AMOTL2: variants seen among roughly 807,000 people sequenced by gnomAD.
AMOTL2 encodes the protein angiomotin like 2.
Under a neutral mutation model 78.4 loss-of-function variants are expected in AMOTL2, and 33 were observed. The ratio of observed to expected loss-of-function variants is 0.42; its 90% confidence interval spans 0.32 to 0.56. The LOEUF is 0.56. AMOTL2 is among the 20% of genes least tolerant of loss of function. The pLI is 0.12. For missense variants in AMOTL2, 983 were observed against 1,030.1 expected (o/e 0.95, Z 0.63); for synonymous variants, 422 against 428.8 (o/e 0.98, Z 0.20).
In AMOTL2 at chr3:134,357,754, G is replaced by C; in HGVS notation, c.2294C>G (p.Ala765Gly). 1 of 1,613,988 alleles carries C rather than the reference G, an allele frequency of 6.2e-7. No homozygotes were observed. The highest frequency in any genetic ancestry group is 8.5e-7 in the Non-Finnish European group (1 of 1,179,866). ...SQRAASLDSV[A>G]TSRVQDLSDM... ...TGACAAGTCCTGGACTCTGGATGTA[G>C]CTACAGAGTCTGGAGACAGACAAGA... Residue 765 changes from alanine (A) to glycine (G), a missense_variant, in exon 10 of 10, where the codon GCT becomes GGT. By Grantham distance (60) the Ala-to-Gly change is moderately conservative. Transcript: ENST00000249883.
chr3:134,357,583 GA>G lies in AMOTL2; in HGVS notation c.*121del. ...GCTCCTGGGACCAGATGGTCAATGG[GA>G]ATGAGTGTCTGGCTGGGGAAAGGGA... On this transcript the variant is annotated 3_prime_UTR_variant, in exon 10 of 10. Transcript: ENST00000249883. 2 of 1,040,768 alleles carry G rather than the reference GA, an allele frequency of 1.9e-6. No homozygotes were observed. The highest frequency in any genetic ancestry group is 2.7e-5 in the South Asian group (2 of 75,232). 64.5% of individuals were successfully genotyped at this position (1,040,768 alleles called of 1,614,324 possible). A position where few individuals can be genotyped will look rare whatever the true frequency, so the allele number is the denominator to read the frequency against.
At chr3:134,361,886 A>G in intron 5 of AMOTL2, 79 bp from the exon 6 acceptor site, 4 of 1,226,052 alleles carry the variant, frequency 3.3e-6, no homozygotes, top group South Asian at 1.6e-5. Context: ...AGTGCTGACC[A>G]CTGGATGAGC....
In AMOTL2 at chr3:134,356,436, T is replaced by C. The variant is rs2017083986; in HGVS notation, c.*1269A>G. On this transcript the variant is annotated 3_prime_UTR_variant, in exon 10 of 10. Transcript: ENST00000249883. ...GACCAGAAGTCAAAGTCACTGCTGC[T>C]AGCAGGCTGCCATGTGGGTGTTTCA... 1 of 152,600 alleles carries C rather than the reference T, an allele frequency of 6.6e-6. No individual in the cohort carries two copies. The highest frequency in any genetic ancestry group is 6.5e-5 in the Admixed American group (1 of 15,294). 9.5% of individuals were successfully genotyped at this position (152,600 alleles called of 1,614,324 possible).
chr3:134,373,517 T>G, intron 1 of AMOTL2: 1 of 985,556 alleles, frequency 1.0e-6, no homozygotes, highest in Non-Finnish European at 1.2e-6. Context: ...GCCGCGAACC[T>G]CTGCTGCACT....
intron 4 of AMOTL2, 35 bp from the exon 5 acceptor site, chr3:134,365,944 G>T: frequency 6.2e-7 from 1 of 1,601,686 alleles, no homozygotes. Flanking sequence ...TTTAGTGTCA[G>T]GTGAAGCTGC....
intron 2 of AMOTL2, 116 bp from the exon 3 acceptor site, chr3:134,367,919 ATAAT>A: frequency 1.3e-6 from 1 of 757,268 alleles, no homozygotes; most frequent in Non-Finnish European, 2.1e-6. Context: ...ATTATTATCA[ATAAT>A]TAATATATTA....
upstream of AMOTL2, chr3:134,375,058 C>A (rs1576592605): frequency 1.4e-6 from 2 of 1,461,838 alleles, no homozygotes; most frequent in East Asian, 2.5e-5. Flanking sequence ...CTAACCCCCG[C>A]TGTTTTCACC....
intron 1 of AMOTL2, among the ~76,000 whole-genome samples, chr3:134,372,415 A>G (rs2017903001): frequency 7.2e-6 from 1 of 138,906 alleles, no homozygotes; most frequent in Non-Finnish European, 1.5e-5. Context: ...TGAGGCAAAA[A>G]GGTGCCACCC....
chr3:134,357,881 C>A, intron 9 of AMOTL2, 118 bp from the exon 10 acceptor site: 1 of 1,062,550 alleles, frequency 9.4e-7, no homozygotes, highest in Non-Finnish European at 1.4e-6. Context: ...CCTCTGCTGC[C>A]CAGGTTCCCA....
chr3:134,364,809 C>T (rs2017534643), intron 5 of AMOTL2, among the ~76,000 whole-genome samples: 1 of 152,126 alleles, frequency 6.6e-6, no homozygotes, highest in African/African-American at 2.4e-5. Flanking sequence ...GACTCAAAGC[C>T]ATGTTTACCC....
At chr3:134,362,575 C>T (rs932744296) in intron 5 of AMOTL2, among the ~76,000 whole-genome samples, 20 of 152,356 alleles carry the variant, frequency 1.3e-4, no homozygotes, top group African/African-American at 4.6e-4. Flanking sequence ...GAGATGTAAG[C>T]AACCAGGCTC....
In AMOTL2 at chr3:134,359,294, C is replaced by T. The variant is rs1275106730; in HGVS notation, c.2093G>A (p.Arg698Gln). ...SERQTADAPA[R>Q]LTTADRAPTE... ...TAGCCTCCTCTTACCTGTAGTCAGC[C>T]GAGCAGGGGCGTCTGCTGTTTGTCG... Residue 698 changes from arginine to glutamine, a missense_variant, in exon 8 of 10, where the codon CGG (arginine) becomes CAG (glutamine). Physicochemically the swap from Arg to Gln is conservative, Grantham distance 43 (BLOSUM62 1). Transcript: ENST00000249883. 18 of 1,614,068 alleles carry T rather than the reference C, an allele frequency of 1.1e-5. No homozygotes were observed. The highest frequency in any genetic ancestry group is 2.7e-5 in the African/African-American group (2 of 74,942).
intron 1 of AMOTL2, among the ~76,000 whole-genome samples, chr3:134,373,275 C>T (rs2017945412): frequency 6.6e-6 from 1 of 152,126 alleles, no homozygotes; most frequent in African/African-American, 2.4e-5. Context: ...CGGGCATTTC[C>T]TATGATAATC....
intron 5 of AMOTL2, among the ~76,000 whole-genome samples, chr3:134,363,688 C>T (rs2017473205): frequency 6.6e-6 from 1 of 152,224 alleles, no homozygotes; most frequent in African/African-American, 2.4e-5. Context: ...GGAGGAAAAG[C>T]AGATGGCATT....
Position 134,371,413 on chromosome 3 carries a change from G to A in AMOTL2, c.21C>T (p.Ser7=), listed in dbSNP as rs775575888. Residue 7 remains serine, a synonymous_variant, in exon 2 of 10, where the codon TCC becomes TCT. Transcript: ENST00000249883. The stretch of plus-strand genomic sequence containing the variant: ...TGAGGCGGTGCAGGACTGTCCCCGA[G>A]GAGTCTTCCAGTGTCCTCATGCTTC... MRTLED[S]SGTVLHRLIQ... 4.4e-6 allele frequency: 7 copies of A among 1,604,266 alleles called. No homozygotes were observed. The highest frequency in any genetic ancestry group is 5.9e-6 in the Non-Finnish European group (7 of 1,179,976).
At position 134,359,634 on chromosome 3, in the gene AMOTL2, T is replaced by G; in HGVS notation, c.1884-131A>C. The G allele has an allele frequency of 8.2e-6, 6 of 734,532 alleles. 1 individual carries two copies. The South Asian group carries it at 1.1e-4, about 14-fold the overall frequency. 45.5% of individuals were successfully genotyped at this position (734,532 alleles called of 1,614,324 possible). A position where few individuals can be genotyped will look rare whatever the true frequency, so the allele number is the denominator to read the frequency against. On this transcript the variant is annotated intron_variant, in intron 7 of 9. Transcript: ENST00000249883. ...AACCCTGCCAGGCTGGATCCTTCTG[T>G]GCTTGTAGCAGGGACCCAGAGAGGG...
rs1356792719 is a variant in AMOTL2 at position 134,361,779 on chromosome 3, C to T, written c.1308G>A (p.Lys436=). 2 of 1,570,168 alleles carry T rather than the reference C, an allele frequency of 1.3e-6. No individual in the cohort carries two copies. Among genetic ancestry groups the T allele is most frequent in the East Asian group, 2.4e-5 (1 of 42,536 alleles). ...QSYEQQQEQE[K]LEREMALLRG... is the part of the protein sequence containing the mutation. ...GCAGCAGTGCCATCTCTCGCTCCAGCTTCTCTTGCTCCTGCTGCTGTTCGT... is the reference window on the plus strand; with the variant it reads ...GCAGCAGTGCCATCTCTCGCTCCAGTTTCTCTTGCTCCTGCTGCTGTTCGT... The change falls in exon 6 of 10, where the codon AAG becomes AAA. Residue 436 remains lysine (K), a synonymous_variant. Coordinates refer to ENST00000249883, the MANE Select transcript of AMOTL2 (RefSeq NM_016201.4).
At chr3:134,372,682 A>G (rs985094277) in intron 1 of AMOTL2, among the ~76,000 whole-genome samples, 2 of 151,936 alleles carry the variant, frequency 1.3e-5, no homozygotes, top group African/African-American at 4.8e-5. Context: ...CAACTGGAGA[A>G]GTAAGGGGAG....
chr3:134,362,422 C>T (rs1318045403), intron 5 of AMOTL2, among the ~76,000 whole-genome samples: 1 of 152,214 alleles, frequency 6.6e-6, no homozygotes, highest in African/African-American at 2.4e-5. Context: ...GTTGGCCACA[C>T]TACAAAGGCC....
Sources: allele counts gnomAD v4.1 joint callset (sites outside exome capture counted in the v4.1 genomes callset), GRCh38; gene constraint gnomAD v4.1.1; transcripts MANE v1.5; gene names NCBI Gene and HGNC (gene_info 2026-07-23, HGNC 2026-07-21).